Variants in HS6ST3 observed in about 807,000 individuals in gnomAD.
HS6ST3 encodes heparan-sulfate 6-O-sulfotransferase 3.
In HS6ST3, 12 loss-of-function variants were observed where a neutral mutation model predicts 36.7. The ratio of observed to expected loss-of-function variants is 0.33; its 90% CI spans 0.21 to 0.53. The LOEUF (loss-of-function observed/expected upper bound fraction) is 0.53. HS6ST3 is among the 20% of genes least tolerant of loss of function. The pLI is 0.95. For missense variants in HS6ST3, 584 were observed against 640.9 expected (o/e 0.91, Z 0.96); for synonymous variants, 240 against 257.5 (o/e 0.93, Z 0.65).
At chr13:96,141,147 G>A (rs767156576) in intron 1 of HS6ST3, among the ~76,000 whole-genome samples, 4 of 152,184 alleles carry the variant, frequency 2.6e-5, no homozygotes. Flanking sequence ...CTACTGTTCT[G>A]TGCAAATGCA....
intron 1 of HS6ST3, among the ~76,000 whole-genome samples, chr13:96,363,620 T>C (rs1004341689): frequency 6.6e-6 from 1 of 152,194 alleles, no homozygotes; most frequent in African/African-American, 2.4e-5. Context: ...ACTTGTGTGG[T>C]TACATTTATT....
chr13:96,713,294 G>A (rs1271395541), intron 1 of HS6ST3, among the ~76,000 whole-genome samples: 1 of 152,076 alleles, frequency 6.6e-6, no homozygotes, highest in Non-Finnish European at 1.5e-5. Flanking sequence ...CTGCTTTTGA[G>A]GCTCTTTGGA....
chr13:96,761,119 CTTT>C (rs879894476), intron 1 of HS6ST3, among the ~76,000 whole-genome samples: 1 of 143,176 alleles, frequency 7.0e-6, no homozygotes, highest in Admixed American at 7.1e-5. Flanking sequence ...TTTTTTTTCA[CTTT>C]TTTTTTTTTT....
intron 1 of HS6ST3, among the ~76,000 whole-genome samples, chr13:96,331,260 G>T (rs1359221338): frequency 6.6e-6 from 1 of 152,038 alleles, no homozygotes; most frequent in South Asian, 2.1e-4. Flanking sequence ...GGTGCTCTGC[G>T]TTTTAGAGTT....
intron 1 of HS6ST3, among the ~76,000 whole-genome samples, chr13:96,450,197 T>C (rs2139485171): frequency 6.6e-6 from 1 of 152,328 alleles, no homozygotes; most frequent in African/African-American, 2.4e-5. Flanking sequence ...TTCTTATAAA[T>C]GAGTTGGCTT....
chr13:96,611,245 T>C (rs1403648357), intron 1 of HS6ST3, among the ~76,000 whole-genome samples: 1 of 151,890 alleles, frequency 6.6e-6, no homozygotes, highest in Admixed American at 6.6e-5. Context: ...CTAACTCGTC[T>C]TCTACAATTT....
chr13:96,690,669 A>G (rs964881096), intron 1 of HS6ST3, among the ~76,000 whole-genome samples: 8 of 152,054 alleles, frequency 5.3e-5, no homozygotes, highest in African/African-American at 1.9e-4. Flanking sequence ...GGTGAAATGC[A>G]TTTTTTATCA....
intron 1 of HS6ST3, among the ~76,000 whole-genome samples, chr13:96,358,028 G>C (rs1298166215): frequency 2.0e-5 from 3 of 152,070 alleles, no homozygotes; most frequent in Non-Finnish European, 2.9e-5. Context: ...TTCAAAGCAG[G>C]GTTGCCACAC....
intron 1 of HS6ST3, among the ~76,000 whole-genome samples, chr13:96,806,375 C>A (rs959027393): frequency 1.6e-4 from 25 of 152,206 alleles, no homozygotes; most frequent in Admixed American, 1.4e-3. Flanking sequence ...GAACATATGA[C>A]CTAGTAATAG....
At chr13:96,480,645 T>A (rs191712126) in intron 1 of HS6ST3, among the ~76,000 whole-genome samples, 26 of 152,292 alleles carry the variant, frequency 1.7e-4, no homozygotes, top group Admixed American at 1.7e-3. Flanking sequence ...CAGAGTGTCT[T>A]TTTGTACATC....
chr13:96,169,086 G>A (rs1286652192), intron 1 of HS6ST3, among the ~76,000 whole-genome samples: 3 of 152,076 alleles, frequency 2.0e-5, no homozygotes, highest in Non-Finnish European at 4.4e-5. Flanking sequence ...ATTATTTCTG[G>A]CCTGCTGTTG....
At chr13:96,151,550 A>C (rs2054085304) in intron 1 of HS6ST3, among the ~76,000 whole-genome samples, 1 of 152,226 alleles carries the variant, frequency 6.6e-6, no homozygotes, top group Admixed American at 6.5e-5. Flanking sequence ...ATTATAGTTG[A>C]CTGTTTTATA....
At chr13:96,147,417 T>C (rs1175473519) in intron 1 of HS6ST3, among the ~76,000 whole-genome samples, 2 of 152,200 alleles carry the variant, frequency 1.3e-5, no homozygotes, top group African/African-American at 2.4e-5. Flanking sequence ...TAACCATCAT[T>C]CTGCAGCAGG....
intron 1 of HS6ST3, among the ~76,000 whole-genome samples, chr13:96,162,822 G>T (rs79982876): frequency 0.078 from 11,904 of 151,902 alleles, 541 homozygotes; most frequent in Middle Eastern, 0.13. Flanking sequence ...ATGTAGTTTG[G>T]TTTATATTTG....
intron 1 of HS6ST3, among the ~76,000 whole-genome samples, chr13:96,675,102 A>T (rs888703863): frequency 6.6e-6 from 1 of 152,148 alleles, no homozygotes; most frequent in African/African-American, 2.4e-5. Flanking sequence ...TCCACTCCTG[A>T]TCTTTGAAAA....
At chr13:96,600,966 T>G (rs998101266) in intron 1 of HS6ST3, among the ~76,000 whole-genome samples, 1 of 152,176 alleles carries the variant, frequency 6.6e-6, no homozygotes, top group Admixed American at 6.5e-5. Context: ...TGGCGGTTAT[T>G]CTTTTTGAAG....
At chr13:96,761,919 A>C (rs1019869556) in intron 1 of HS6ST3, among the ~76,000 whole-genome samples, 2 of 152,198 alleles carry the variant, frequency 1.3e-5, no homozygotes, top group Non-Finnish European at 2.9e-5. Context: ...CCTAATAAAT[A>C]ATAAATTTAA....
chr13:96,775,399 C>T (rs916904395), intron 1 of HS6ST3, among the ~76,000 whole-genome samples: 8 of 151,522 alleles, frequency 5.3e-5, no homozygotes, highest in Admixed American at 2.6e-4. Context: ...AATTGGATAA[C>T]GAGTCAAGAT....
intron 1 of HS6ST3, among the ~76,000 whole-genome samples, chr13:96,183,421 G>C (rs1201722563): frequency 2.6e-5 from 4 of 152,130 alleles, no homozygotes; most frequent in Non-Finnish European, 5.9e-5. Flanking sequence ...TGGGCACCTG[G>C]AGATGTTTTT....
Sources: gnomAD v4.1 joint callset for allele counts (sites outside exome capture counted in the v4.1 genomes callset) on GRCh38, gnomAD v4.1.1 for gene constraint, MANE v1.5 for transcripts, NCBI Gene and HGNC (gene_info 2026-07-23, HGNC 2026-07-21) for gene names.